The following LENG8 variants were observed in gnomAD, a reference collection of about 807,000 sequenced individuals.
The protein encoded by LENG8 is leukocyte receptor cluster (LRC) member 8.
A neutral mutation model predicts 102.1 loss-of-function variants in LENG8; 28 were observed. The observed-to-expected ratio is 0.27, with a 90% CI of 0.20 to 0.38. LENG8 has a LOEUF of 0.38. LENG8 is among the 10% of genes least tolerant of loss of function. The probability of loss-of-function intolerance (pLI) is 1.00; values close to 1 mark genes in which losing one functional copy is unlikely to be tolerated. For synonymous variants in LENG8, 531 were observed against 456.7 expected (o/e 1.16, Z -2.07); for missense variants, 1,022 against 1,113.9 (o/e 0.92, Z 1.17).
chr19:54,449,726 C>CA (rs2083859787), intron 1 of LENG8: 1 of 152,444 alleles, frequency 6.6e-6, no homozygotes, highest in African/African-American at 2.4e-5. Flanking sequence ...TGCCTTCGCC[C>CA]AGCCTGCGGG....
chr19:54,457,253 C>T (rs1460099304), intron 11 of LENG8, among the ~76,000 whole-genome samples: 1 of 152,234 alleles, frequency 6.6e-6, no homozygotes, highest in East Asian at 1.9e-4. Flanking sequence ...TTGGCGTAGT[C>T]ACTGTTCTGC....
rs377636837 is a variant in LENG8, at chr19:54,456,648, G to A, written c.1458G>A (p.Ala486=). 4.7e-4 allele frequency: 763 copies of A among 1,610,740 alleles called. 2 individuals are homozygous for A. The highest frequency in any genetic ancestry group is 3.0e-3 in the South Asian group (272 of 90,716). The part of the protein sequence containing the change: ...RAQRGKRHDL[A]PTKRSRKKMA... ...CATCCCTTCCTAGGCACGATCTGGC[G>A]CCCACCAAGCGCAGTCGAAAGAAGA... Residue 486 remains alanine (A), a synonymous_variant, in exon 11 of 16, where the codon GCG becomes GCA. Coordinates refer to ENST00000326764, the MANE Select transcript of LENG8 (RefSeq NM_052925.4).
chr19:54,459,060 C>T, intron 15 of LENG8: 1 of 1,409,230 alleles, frequency 7.1e-7, no homozygotes, highest in Non-Finnish European at 9.2e-7. Context: ...CTGCAGTGTC[C>T]TTCGTTCACT....
chr19:54,455,341 G>T (rs373522272), intron 7 of LENG8, 23 bp from the exon 8 acceptor site: 2 of 1,612,304 alleles, frequency 1.2e-6, no homozygotes, highest in African/African-American at 2.7e-5. Context: ...CTCCAGCTGA[G>T]CCCCTCATCT....
In LENG8 at chr19:54,450,211, C is replaced by T. The variant is rs77320767; in HGVS notation, c.-56+901C>T. 9.6e-3 allele frequency among the ~76,000 whole-genome samples: 1,458 copies of T among 152,272 alleles called. 24 individuals are homozygous for T. The highest frequency in any genetic ancestry group is 0.028 in the African/African-American group (1,171 of 41,548). ...AACCACGGTGATCCCTTTTCTCTCC[C>T]AGCCCTACCCCTGCTTCCGGGAACC... On this transcript the variant is annotated intron_variant, in intron 1 of 15. Coordinates refer to ENST00000326764, the MANE Select transcript of LENG8 (RefSeq NM_052925.4).
At chr19:54,458,888 C>G in intron 15 of LENG8, 1 of 1,547,092 alleles carries the variant, frequency 6.5e-7, no homozygotes, top group Non-Finnish European at 8.7e-7. Context: ...CTCAGCTTGT[C>G]GCTGTGCTCC....
Position 54,454,663 on chromosome 19 carries a change from G to A in LENG8, c.660G>A (p.Gln220=). The A allele has an allele frequency of 4.4e-6, 7 of 1,600,958 alleles. No homozygotes were observed. The highest frequency in any genetic ancestry group is 6.0e-6 in the Non-Finnish European group (7 of 1,175,516). ...TEPAKPKKGQ[Q]LWNRMKPAPG... ...CTGCCAAGCCCAAGAAGGGCCAACA[G>A]CTGTGGAACCGCATGAAACGTAAGT... The change falls in exon 6 of 16, where the codon CAG becomes CAA. Residue 220 remains glutamine (Q), a synonymous_variant. Coordinates refer to ENST00000326764, the MANE Select transcript of LENG8 (RefSeq NM_052925.4).
Position 54,456,453 on chromosome 19 carries a change from A to G in LENG8, c.1433A>G (p.Gln478Arg). The G allele has an allele frequency of 1.2e-6, 2 of 1,605,722 alleles. No homozygotes were observed. Among genetic ancestry groups the G allele is most frequent in the Non-Finnish European group, 1.7e-6 (2 of 1,178,922 alleles). The change falls in exon 10 of 16, where the codon CAG becomes CGG. Residue 478 changes from glutamine (Q) to arginine (R), a missense_variant. Physicochemically the swap from Gln to Arg is conservative, Grantham distance 43. Coordinates refer to ENST00000326764, the MANE Select transcript of LENG8 (RefSeq NM_052925.4). Reference protein sequence around the residue: ...AHMDRGRGRAQRGKRHDLAPT... With the variant: ...AHMDRGRGRARRGKRHDLAPT... ...ATGGATCGGGGCCGAGGCAGGGCGCAGCGTGGGAAGAGGTGAGACTGTGTG... is the reference window on the plus strand; with the variant it reads ...ATGGATCGGGGCCGAGGCAGGGCGCGGCGTGGGAAGAGGTGAGACTGTGTG...
At chr19:54,457,402 G>A (rs112135151) in intron 11 of LENG8, among the ~76,000 whole-genome samples, 6,144 of 152,292 alleles carry the variant, frequency 0.04, 234 homozygotes, top group African/African-American at 0.095. Context: ...GTGCAATGGC[G>A]TGATCTTGGC....
chr19:54,460,566 CAG>C (rs1234073547), intron 15 of LENG8, 198 bp from the exon 16 acceptor site: 29 of 1,413,600 alleles, frequency 2.1e-5, no homozygotes, highest in Non-Finnish European at 2.6e-5. Flanking sequence ...GAGGGGGGCA[CAG>C]GGGACTGGGG....
In LENG8 at chr19:54,461,214, A is replaced by C; in HGVS notation, c.*286A>C. 5 of 635,050 alleles carry C rather than the reference A, an allele frequency of 7.9e-6. No individual in the cohort carries two copies. The highest frequency in any genetic ancestry group is 1.8e-5 in the African/African-American group (1 of 55,792). 39.3% of individuals were successfully genotyped at this position (635,050 alleles called of 1,614,324 possible). On this transcript the variant is annotated 3_prime_UTR_variant, in exon 16 of 16. Transcript: ENST00000326764. ...TCTGTGTCCGCCTTTCACTCCACTAATGCTGTCTCAGTGTTTTCTCTCTCT... is the reference window on the plus strand; with the variant it reads ...TCTGTGTCCGCCTTTCACTCCACTACTGCTGTCTCAGTGTTTTCTCTCTCT...
intron 15 of LENG8, 47 bp from the exon 16 acceptor site, chr19:54,460,719 G>GGGGGCCC: frequency 1.3e-6 from 1 of 778,912 alleles, no homozygotes; most frequent in Non-Finnish European, 1.8e-6. Flanking sequence ...GCCCTCCCCT[G>GGGGGCCC]CCCTCCCGCC....
intron 15 of LENG8, chr19:54,460,387 C>T: frequency 1.7e-6 from 2 of 1,211,782 alleles, no homozygotes; most frequent in Non-Finnish European, 2.1e-6. Context: ...GCAGGGGAGG[C>T]AGCGAGGGCT....
At position 54,459,275 on chromosome 19, in the gene LENG8, C is replaced by T. The variant is rs960190374; in HGVS notation, c.2240+754C>T. ...CTGCCACTGCCATTGGGCCTCAGAGCTCAGTCTTGCCAAGGTGGAGAAATT... is the reference window on the plus strand; with the variant it reads ...CTGCCACTGCCATTGGGCCTCAGAGTTCAGTCTTGCCAAGGTGGAGAAATT... On this transcript the variant is annotated intron_variant, in intron 15 of 15. Coordinates refer to ENST00000326764, the MANE Select transcript of LENG8 (RefSeq NM_052925.4). The T allele has an allele frequency of 2.9e-6, 3 of 1,025,824 alleles. No individual in the cohort carries two copies. In the African/African-American group the frequency reaches 5.1e-5, roughly 17 times the overall value. 63.5% of individuals were successfully genotyped at this position (1,025,824 alleles called of 1,614,324 possible).
Position 54,455,106 on chromosome 19 carries a change from C to A in LENG8, c.821+14C>A. On this transcript the variant is annotated intron_variant, in intron 7 of 15. Transcript: ENST00000326764. ...TCAGAACCACAGGTGACGTCTGCCC[C>A]CTTGCCCCGTCGCAGCCCCACACTC... The A allele has an allele frequency of 6.2e-7, 1 of 1,614,100 alleles. No homozygotes were observed. Among genetic ancestry groups the A allele is most frequent in the Non-Finnish European group, 8.5e-7 (1 of 1,179,962 alleles).
chr19:54,460,940 G>C lies in LENG8; in HGVS notation c.*12G>C. Reference sequence around the variant, plus strand: ...TGTCAGCCTTCTGAGCACCCAGCGAGGAGGGGCGGGGGCAGGGGCTGCAGC... The same window carrying C: ...TGTCAGCCTTCTGAGCACCCAGCGACGAGGGGCGGGGGCAGGGGCTGCAGC... On this transcript the variant is annotated 3_prime_UTR_variant, in exon 16 of 16. Coordinates refer to ENST00000326764, the MANE Select transcript of LENG8 (RefSeq NM_052925.4). 1 of 1,542,310 alleles carries C rather than the reference G, an allele frequency of 6.5e-7. No homozygotes were observed. The highest frequency in any genetic ancestry group is 1.2e-5 in the South Asian group (1 of 84,102).
At chr19:54,450,164 A>C (rs1229971523) in intron 1 of LENG8, among the ~76,000 whole-genome samples, 1 of 152,060 alleles carries the variant, frequency 6.6e-6, no homozygotes, top group Non-Finnish European at 1.5e-5. Context: ...TGGCATTCCC[A>C]AAGCTTTATG....
chr19:54,458,473 A>T lies in LENG8; in HGVS notation c.2192A>T (p.Lys731Met). 3 of 1,614,232 alleles carry T rather than the reference A, an allele frequency of 1.9e-6. No individual in the cohort carries two copies. Among genetic ancestry groups the T allele is most frequent in the Non-Finnish European group, 2.5e-6 (3 of 1,180,048 alleles). The change falls in exon 15 of 16, where the codon AAG (lysine) becomes ATG (methionine). Residue 731 changes from lysine to methionine, a missense_variant. Lys to Met is a moderately conservative substitution (Grantham distance 95). Coordinates refer to ENST00000326764, the MANE Select transcript of LENG8 (RefSeq NM_052925.4). ...TGCATGTCTGGCTACCTCGTGGACA[A>T]GTTTGCAGATCGGGAGCGCAAGGTC... The part of the protein sequence containing the change: ...APCMSGYLVD[K>M]FADRERKVAL...
chr19:54,455,620 G>A (rs1006822132), intron 8 of LENG8, 53 bp downstream of exon 8: 6 of 1,498,582 alleles, frequency 4.0e-6, no homozygotes, highest in African/African-American at 2.8e-5. Flanking sequence ...AGAGGCATGG[G>A]CTGGGTATGG....
Sources: gnomAD v4.1 joint callset for allele counts (sites outside exome capture counted in the v4.1 genomes callset) on GRCh38, gnomAD v4.1.1 for gene constraint, MANE v1.5 for transcripts, NCBI Gene and HGNC (gene_info 2026-07-23, HGNC 2026-07-21) for gene names.